CLVS1: variants seen among roughly 807,000 people sequenced by gnomAD.
CLVS1 encodes the protein clavesin-1.
A neutral mutation model predicts 33.1 loss-of-function variants in CLVS1; 10 were observed. The observed-to-expected ratio is 0.30, with a 90% CI of 0.19 to 0.51. The LOEUF (loss-of-function observed/expected upper bound fraction) is 0.51. Ranked by LOEUF, CLVS1 falls within the 20% of genes least tolerant of loss-of-function variation. The pLI, the probability that CLVS1 is intolerant of heterozygous loss-of-function variation, is 0.97. For missense variants in CLVS1, 343 were observed against 433.4 expected, an observed-to-expected ratio of 0.79 and a Z score of 1.85; for synonymous variants, 163 against 166.1, an observed-to-expected ratio of 0.98 and a Z score of 0.14.
chr8:61,232,712 A>C (rs548767721), intron 2 of CLVS1, among the ~76,000 whole-genome samples: 93 of 152,318 alleles, frequency 6.1e-4, no homozygotes, highest in Admixed American at 1.8e-3. Context: ...TCCATATTTG[A>C]ATATCCTCTG....
chr8:61,245,395 C>T (rs549128003), intron 2 of CLVS1, among the ~76,000 whole-genome samples: 11 of 152,120 alleles, frequency 7.2e-5, no homozygotes, highest in African/African-American at 2.4e-4. Flanking sequence ...CCATGTTGGC[C>T]AGGATGGCCT....
chr8:61,373,827 C>T (rs1454684710), intron 2 of CLVS1, among the ~76,000 whole-genome samples: 1 of 152,224 alleles, frequency 6.6e-6, no homozygotes, highest in African/African-American at 2.4e-5. Context: ...GCTGCTTATG[C>T]ACCTGTGGGT....
intron 1 of CLVS1, among the ~76,000 whole-genome samples, chr8:61,071,097 G>A (rs1467796433): frequency 6.6e-6 from 1 of 152,222 alleles, no homozygotes; most frequent in East Asian, 1.9e-4. Context: ...GGAAGCAGCA[G>A]TAAAAAGAGA....
chr8:61,121,234 G>A (rs1023938865), intron 1 of CLVS1, among the ~76,000 whole-genome samples: 10 of 152,204 alleles, frequency 6.6e-5, no homozygotes, highest in South Asian at 2.1e-4. Context: ...GCTTCGGCTC[G>A]CTCACGGTGC....
intron 2 of CLVS1, among the ~76,000 whole-genome samples, chr8:61,356,044 T>C (rs545827762): frequency 6.6e-6 from 1 of 152,118 alleles, no homozygotes; most frequent in Non-Finnish European, 1.5e-5. Context: ...TGTAAAAGTG[T>C]TCCTATTTCT....
At chr8:61,194,557 G>A (rs1194725579) in intron 2 of CLVS1, among the ~76,000 whole-genome samples, 1 of 151,884 alleles carries the variant, frequency 6.6e-6, no homozygotes, top group Non-Finnish European at 1.5e-5. Context: ...ATGTTTCTAT[G>A]TATATAGGCC....
intron 3 of CLVS1, among the ~76,000 whole-genome samples, chr8:61,404,731 A>G (rs1295715302): frequency 6.6e-6 from 1 of 152,182 alleles, no homozygotes; most frequent in Non-Finnish European, 1.5e-5. Flanking sequence ...GGCCAGTTGC[A>G]TATTGTTTGA....
chr8:61,437,369 C>A (rs1318129235), intron 3 of CLVS1, among the ~76,000 whole-genome samples: 1 of 152,096 alleles, frequency 6.6e-6, no homozygotes, highest in African/African-American at 2.4e-5. Context: ...TCAGAAGAAA[C>A]CACAAACAAA....
At chr8:61,262,527 C>A (rs555955770) in intron 2 of CLVS1, among the ~76,000 whole-genome samples, 8 of 152,162 alleles carry the variant, frequency 5.3e-5, no homozygotes, top group Non-Finnish European at 1.2e-4. Flanking sequence ...AGTCTCCAGG[C>A]CCATCTGATA....
chr8:61,335,699 G>A (rs1010094828), intron 2 of CLVS1, among the ~76,000 whole-genome samples: 18 of 152,046 alleles, frequency 1.2e-4, no homozygotes, highest in African/African-American at 4.1e-4. Flanking sequence ...CCAATTTAAG[G>A]TATATATTGT....
upstream of CLVS1, among the ~76,000 whole-genome samples, chr8:61,052,450 C>G (rs1007502957): frequency 6.6e-6 from 1 of 152,042 alleles, no homozygotes; most frequent in African/African-American, 2.4e-5. Context: ...TCAGAGGGGG[C>G]CTCACTGAAA....
chr8:61,210,183 C>A (rs971179625), intron 2 of CLVS1, among the ~76,000 whole-genome samples: 1 of 152,170 alleles, frequency 6.6e-6, no homozygotes, highest in African/African-American at 2.4e-5. Flanking sequence ...GAGGTGGAAT[C>A]TTTTGGGAAG....
chr8:61,274,044 G>A (rs1250513561), intron 2 of CLVS1: 1 of 152,312 alleles, frequency 6.6e-6, no homozygotes, highest in Admixed American at 6.5e-5. Flanking sequence ...CAGCTGTAGG[G>A]AGATAAGAGA....
intron 2 of CLVS1, among the ~76,000 whole-genome samples, chr8:61,310,015 A>G (rs1585784025): frequency 6.6e-6 from 1 of 152,182 alleles, no homozygotes; most frequent in East Asian, 1.9e-4. Flanking sequence ...TTTCTAATGT[A>G]TCCATGGTGA....
chr8:61,436,664 C>T (rs1563552758), intron 3 of CLVS1, among the ~76,000 whole-genome samples: 1 of 152,208 alleles, frequency 6.6e-6, no homozygotes, highest in Non-Finnish European at 1.5e-5. Flanking sequence ...GCCCTTAAAA[C>T]ACTGGCAAGA....
intron 2 of CLVS1, among the ~76,000 whole-genome samples, chr8:61,237,850 C>T (rs1245753037): frequency 6.6e-6 from 1 of 150,708 alleles, no homozygotes; most frequent in Non-Finnish European, 1.5e-5. Context: ...CACAGGGAGC[C>T]CAGAGGATGT....
At chr8:61,208,745 G>A (rs1050528077) in intron 2 of CLVS1, among the ~76,000 whole-genome samples, 2 of 152,018 alleles carry the variant, frequency 1.3e-5, no homozygotes, top group African/African-American at 2.4e-5. Flanking sequence ...GCGCCACCAC[G>A]CCCAGCTAAT....
chr8:61,027,206 A>T, the CLVS1 span, among the ~76,000 whole-genome samples: 1 of 152,226 alleles, frequency 6.6e-6, no homozygotes, highest in South Asian at 2.1e-4. Context: ...CAAGAGTGAG[A>T]CAAACAGTAT....
chr8:61,449,638 A>C (rs115237272), intron 3 of CLVS1, among the ~76,000 whole-genome samples: 2,370 of 152,298 alleles, frequency 0.016, 28 homozygotes, highest in South Asian at 0.039. Flanking sequence ...TAGTCATTTC[A>C]TTAAAGAGCA....
Sources: gnomAD v4.1 joint callset for allele counts (sites outside exome capture counted in the v4.1 genomes callset) on GRCh38, gnomAD v4.1.1 for gene constraint, MANE v1.5 for transcripts, NCBI Gene and HGNC (gene_info 2026-07-23, HGNC 2026-07-21) for gene names.